The following PCDHB5 variants were observed in gnomAD, a reference collection of about 807,000 sequenced individuals.
PCDHB5 encodes protocadherin beta-5.
For missense variants in PCDHB5, 1,125 were observed against 1,029.4 expected, an observed-to-expected ratio of 1.09 and a Z score of -1.27; for synonymous variants, 569 against 462.2, an observed-to-expected ratio of 1.23 and a Z score of -2.96.
In PCDHB5 at chr5:141,136,202, C is replaced by T; in HGVS notation, c.768C>T (p.Pro256=). The T allele has an allele frequency of 6.2e-7, 1 of 1,614,062 alleles. No homozygotes were observed. Reference sequence around the variant, plus strand: ...AGGTACAGGTGCCCGAGAACAGCCCCCTTAACTCCTTAGTTGTCGTTGTCT... The same window carrying T: ...AGGTACAGGTGCCCGAGAACAGCCCTCTTAACTCCTTAGTTGTCGTTGTCT... ...FYEVQVPENS[P]LNSLVVVVSA... is the part of the protein sequence containing the mutation. Residue 256 remains proline (P), a synonymous_variant, in exon 1 of 1, where the codon CCC becomes CCT. Transcript: ENST00000231134.
rs782623340 is a variant in PCDHB5, at chr5:141,136,038, CG to C, written c.607del (p.Glu203ArgfsTer8). On this transcript the variant is annotated frameshift_variant, in exon 1 of 1. Coordinates refer to ENST00000231134, the MANE Select transcript of PCDHB5 (RefSeq NM_015669.5). LOFTEE classifies it low-confidence loss of function (END_TRUNC). ...GCTGGTGCTGGACAAAGCGCTGGAC[CG>C]GGAGGAGCGGCCTGAGCTCAGCTTA... ...PELVLDKALD[R>X]EERPELSLTL... 6.8e-6 allele frequency: 11 copies of C among 1,614,182 alleles called. No homozygotes were observed. The East Asian group carries it at 2.5e-4, about 36-fold the overall frequency.
At position 141,138,108 on chromosome 5, in the gene PCDHB5, C is replaced by A. The variant is rs79503440; in HGVS notation, c.*286C>A. The A allele has an allele frequency of 0.073, 23,736 of 327,062 alleles. 1,019 individuals are homozygous for A. The highest frequency in any genetic ancestry group is 0.1 in the Middle Eastern group (107 of 1,074). The allele number at this position is 327,062 out of a possible 1,614,324, so 20.3% of individuals were successfully genotyped here. A position where few individuals can be genotyped will look rare whatever the true frequency, so the allele number is the denominator to read the frequency against. ...TTGTGATAAACCACCTTAATAAAAT[C>A]AAGTATTAATTTTATTTTCTATATA... On this transcript the variant is annotated 3_prime_UTR_variant, in exon 1 of 1. Transcript: ENST00000231134.
Position 141,136,148 on chromosome 5 carries a change from C to A in PCDHB5, c.714C>A (p.Asn238Lys), listed in dbSNP as rs1320435155. 3 of 1,614,106 alleles carry A rather than the reference C, an allele frequency of 1.9e-6. No individual in the cohort carries two copies. The highest frequency in any genetic ancestry group is 1.7e-5 in the Admixed American group (1 of 60,030). Reference sequence around the variant, plus strand: ...TTGTCGTCTTGGATAATAATGACAACGCCCCCGAATTTTTACAATCATTCT... The same window carrying A: ...TTGTCGTCTTGGATAATAATGACAAAGCCCCCGAATTTTTACAATCATTCT... ...IRIVVLDNNDNAPEFLQSFYE... is the reference protein window; with the variant it reads ...IRIVVLDNNDKAPEFLQSFYE... Residue 238 changes from asparagine to lysine, a missense_variant, in exon 1 of 1, where the codon AAC (asparagine) becomes AAA (lysine). By Grantham distance (94) the Asn-to-Lys change is moderately conservative (BLOSUM62 0). Coordinates refer to ENST00000231134, the MANE Select transcript of PCDHB5 (RefSeq NM_015669.5).
At position 141,136,793 on chromosome 5, in the gene PCDHB5, C is replaced by G. The variant is rs200972030; in HGVS notation, c.1359C>G (p.Thr453=). The change falls in exon 1 of 1, where the codon ACC becomes ACG. Residue 453 remains threonine (T), a synonymous_variant. Coordinates refer to ENST00000231134, the MANE Select transcript of PCDHB5 (RefSeq NM_015669.5). ...VNDNAPAFTQ[T]SYTLFVRENN... ...ACAACGCCCCCGCCTTCACCCAAAC[C>G]TCCTACACCCTGTTCGTCCGAGAGA... 2.5e-6 allele frequency: 4 copies of G among 1,613,758 alleles called. No individual in the cohort carries two copies. The highest frequency in any genetic ancestry group is 3.4e-6 in the Non-Finnish European group (4 of 1,180,034).
In PCDHB5 at chr5:141,135,851, C is replaced by A; in HGVS notation, c.417C>A (p.Leu139=). The A allele has an allele frequency of 6.2e-7, 1 of 1,614,096 alleles. No individual in the cohort carries two copies. The highest frequency in any genetic ancestry group is 8.5e-7 in the Non-Finnish European group (1 of 1,179,994). The part of the protein sequence containing the change: ...HAPEFPEKEM[L]LKIPESTQPG... ...CAGAGTTCCCAGAGAAGGAAATGCT[C>A]CTAAAAATCCCAGAGAGCACCCAGC... The change falls in exon 1 of 1, where the codon CTC becomes CTA. Residue 139 remains leucine, a synonymous_variant. Transcript: ENST00000231134.
rs1752599893 is a variant in PCDHB5, at chr5:141,137,018, C to T, written c.1584C>T (p.Phe528=). 1.2e-6 allele frequency: 2 copies of T among 1,612,152 alleles called. No homozygotes were observed. Among genetic ancestry groups the T allele is most frequent in the Non-Finnish European group, 8.5e-7 (1 of 1,179,846 alleles). Residue 528 remains phenylalanine, a synonymous_variant, in exon 1 of 1, where the codon TTC becomes TTT. Transcript: ENST00000231134. ...ACGAGGCCCTGCAGGCGTTCGAGTT[C>T]CGCGTGGGAGCCACAGACCGCGGCT... ...LDYEALQAFE[F]RVGATDRGSP... is the part of the protein sequence containing the mutation.
chr5:141,137,298 G>C lies in PCDHB5; in HGVS notation c.1864G>C (p.Glu622Gln), dbSNP rs1487998791. The change falls in exon 1 of 1, where the codon GAG becomes CAG. Residue 622 changes from glutamate to glutamine, a missense_variant. Transcript: ENST00000231134. ...GLFSMWAHNG[E>Q]VRTARLLSER... ...GTTCAGCATGTGGGCGCACAATGGCGAGGTGCGCACCGCCAGGCTGCTGAG... is the reference window on the plus strand; with the variant it reads ...GTTCAGCATGTGGGCGCACAATGGCCAGGTGCGCACCGCCAGGCTGCTGAG... 1.4e-5 allele frequency: 22 copies of C among 1,610,246 alleles called. No individual in the cohort carries two copies. The highest frequency in any genetic ancestry group is 1.7e-5 in the Non-Finnish European group (20 of 1,179,650).
rs781818754 is a variant in PCDHB5 at position 141,137,589 on chromosome 5, G to A, written c.2155G>A (p.Ala719Thr). The A allele has an allele frequency of 7.4e-6, 12 of 1,612,926 alleles. No homozygotes were observed. The highest frequency in any genetic ancestry group is 1.0e-5 in the Non-Finnish European group (12 of 1,180,010). Residue 719 changes from alanine (A) to threonine (T), a missense_variant, in exon 1 of 1, where the codon GCC (alanine) becomes ACC (threonine). Transcript: ENST00000231134. Reference sequence around the variant, plus strand: ...GCGGCTGTGCAGGAGGAGCAGGGCGGCCCCGGTCGGTCGCTGCTCGGTGCC... The same window carrying A: ...GCGGCTGTGCAGGAGGAGCAGGGCGACCCCGGTCGGTCGCTGCTCGGTGCC... ...AVRLCRRSRA[A>T]PVGRCSVPEG...
chr5:141,137,412 C>G lies in PCDHB5; in HGVS notation c.1978C>G (p.Leu660Val). The change falls in exon 1 of 1, where the codon CTC (leucine) becomes GTC (valine). Residue 660 changes from leucine (L) to valine (V), a missense_variant. By Grantham distance (32) the Leu-to-Val change is conservative. Transcript: ENST00000231134. ...CTCGGCCACCGCCACGCTGCACGTGCTCCTGGTGGACGGCTTCTCCCAGCC... is the reference window on the plus strand; with the variant it reads ...CTCGGCCACCGCCACGCTGCACGTGGTCCTGGTGGACGGCTTCTCCCAGCC... ...PRSATATLHV[L>V]LVDGFSQPYL... The G allele has an allele frequency of 6.2e-7, 1 of 1,611,052 alleles. No homozygotes were observed.
Position 141,136,542 on chromosome 5 carries a change from T to G in PCDHB5, c.1108T>G (p.Ser370Ala). The change falls in exon 1 of 1, where the codon TCT (serine) becomes GCT (alanine). Residue 370 changes from serine to alanine, a missense_variant. By Grantham distance (99) the Ser-to-Ala change is moderately conservative. Transcript: ENST00000231134. ...PETVVAVFSVSDPDSGDNGRM... is the reference protein window; with the variant it reads ...PETVVAVFSVADPDSGDNGRM... ...AACTGTAGTTGCCGTTTTCAGTGTT[T>G]CTGATCCAGACTCCGGGGACAACGG... 1 of 1,614,116 alleles carries G rather than the reference T, an allele frequency of 6.2e-7. No homozygotes were observed. Among genetic ancestry groups the G allele is most frequent in the Non-Finnish European group, 8.5e-7 (1 of 1,180,022 alleles).
In PCDHB5 at chr5:141,137,530, T is replaced by C; in HGVS notation, c.2096T>C (p.Leu699Pro). The C allele has an allele frequency of 1.2e-6, 2 of 1,612,456 alleles. No individual in the cohort carries two copies. The highest frequency in any genetic ancestry group is 1.7e-6 in the Non-Finnish European group (2 of 1,179,640). The change falls in exon 1 of 1, where the codon CTC becomes CCC. Residue 699 changes from leucine (L) to proline (P), a missense_variant. Transcript: ENST00000231134. ...GTGGCATTGGCCTCGGTGTCGTCGCTCTTCCTCTTTTCGGTGCTCCTGTTC... is the reference window on the plus strand; with the variant it reads ...GTGGCATTGGCCTCGGTGTCGTCGCCCTTCCTCTTTTCGGTGCTCCTGTTC... ...LVVALASVSS[L>P]FLFSVLLFVA...
Position 141,136,185 on chromosome 5 carries a change from G to T in PCDHB5, c.751G>T (p.Val251Leu). The T allele has an allele frequency of 6.2e-7, 1 of 1,614,082 alleles. No individual in the cohort carries two copies. Among genetic ancestry groups the T allele is most frequent in the African/African-American group, 1.3e-5 (1 of 75,016 alleles). The change falls in exon 1 of 1, where the codon GTG (valine) becomes TTG (leucine). Residue 251 changes from valine (V) to leucine (L), a missense_variant. By Grantham distance (32) the Val-to-Leu change is conservative. Coordinates refer to ENST00000231134, the MANE Select transcript of PCDHB5 (RefSeq NM_015669.5). ...EFLQSFYEVQ[V>L]PENSPLNSLV... Reference sequence around the variant, plus strand: ...TTTACAATCATTCTATGAGGTACAGGTGCCCGAGAACAGCCCCCTTAACTC... The same window carrying T: ...TTTACAATCATTCTATGAGGTACAGTTGCCCGAGAACAGCCCCCTTAACTC...
Position 141,137,651 on chromosome 5 carries a change from C to T in PCDHB5, c.2217C>T (p.Ser739=), listed in dbSNP as rs150150212. 8.7e-6 allele frequency: 14 copies of T among 1,613,976 alleles called. No homozygotes were observed. The highest frequency in any genetic ancestry group is 1.3e-5 in the African/African-American group (1 of 74,940). ...TTCCAGGGCATCTGGTGGACGTGAGCGGCACCGGGACCCTATCCCAGAGCT... is the reference window on the plus strand; with the variant it reads ...TTCCAGGGCATCTGGTGGACGTGAGTGGCACCGGGACCCTATCCCAGAGCT... ...GPFPGHLVDV[S]GTGTLSQSYH... The change falls in exon 1 of 1, where the codon AGC becomes AGT. Residue 739 remains serine (S), a synonymous_variant. Coordinates refer to ENST00000231134, the MANE Select transcript of PCDHB5 (RefSeq NM_015669.5).
In PCDHB5 at chr5:141,136,163, A is replaced by G. The variant is rs1752567784; in HGVS notation, c.729A>G (p.Leu243=). The part of the protein sequence containing the change: ...LDNNDNAPEF[L]QSFYEVQVPE... ...ATAATGACAACGCCCCCGAATTTTT[A>G]CAATCATTCTATGAGGTACAGGTGC... The change falls in exon 1 of 1, where the codon TTA becomes TTG. Residue 243 remains leucine, a synonymous_variant. Transcript: ENST00000231134. 6.2e-7 allele frequency: 1 copy of G among 1,613,894 alleles called. No individual in the cohort carries two copies. The highest frequency in any genetic ancestry group is 8.5e-7 in the Non-Finnish European group (1 of 1,179,912).
In PCDHB5 at chr5:141,137,419, T is replaced by C. The variant is rs782793971; in HGVS notation, c.1985T>C (p.Val662Ala). 1.2e-6 allele frequency: 2 copies of C among 1,611,380 alleles called. No individual in the cohort carries two copies. The highest frequency in any genetic ancestry group is 4.5e-5 in the East Asian group (2 of 44,854). Residue 662 changes from valine (V) to alanine (A), a missense_variant, in exon 1 of 1, where the codon GTG becomes GCG. By Grantham distance (64) the Val-to-Ala change is moderately conservative. Transcript: ENST00000231134. ...ACCGCCACGCTGCACGTGCTCCTGG[T>C]GGACGGCTTCTCCCAGCCCTACCTG... ...SATATLHVLL[V>A]DGFSQPYLPL...
Position 141,137,217 on chromosome 5 carries a change from T to G in PCDHB5, c.1783T>G (p.Ser595Ala). Reference sequence around the variant, plus strand: ...CAAGGTGGTGGCGGTGGACGGTGACTCGGGCCAGAACGCCTGGCTGTCGTA... The same window carrying G: ...CAAGGTGGTGGCGGTGGACGGTGACGCGGGCCAGAACGCCTGGCTGTCGTA... ...VTKVVAVDGD[S>A]GQNAWLSYQL... The change falls in exon 1 of 1, where the codon TCG becomes GCG. Residue 595 changes from serine (S) to alanine (A), a missense_variant. By Grantham distance (99) the Ser-to-Ala change is moderately conservative. Coordinates refer to ENST00000231134, the MANE Select transcript of PCDHB5 (RefSeq NM_015669.5). 10 of 1,610,906 alleles carry G rather than the reference T, an allele frequency of 6.2e-6. No homozygotes were observed. Among genetic ancestry groups the G allele is most frequent in the South Asian group, 1.1e-5 (1 of 90,960 alleles).
At position 141,136,065 on chromosome 5, in the gene PCDHB5, A is replaced by G. The variant is rs905706214; in HGVS notation, c.631A>G (p.Thr211Ala). The change falls in exon 1 of 1, where the codon ACA (threonine) becomes GCA (alanine). Residue 211 changes from threonine to alanine, a missense_variant. Physicochemically the swap from Thr to Ala is moderately conservative, Grantham distance 58. Transcript: ENST00000231134. ...GGAGGAGCGGCCTGAGCTCAGCTTA[A>G]CACTCACTGCACTGGACGGTGGGGC... ...DREERPELSLTLTALDGGAPP... is the reference protein window; with the variant it reads ...DREERPELSLALTALDGGAPP... 6.2e-7 allele frequency: 1 copy of G among 1,614,106 alleles called. No homozygotes were observed. Among genetic ancestry groups the G allele is most frequent in the Non-Finnish European group, 8.5e-7 (1 of 1,180,012 alleles).
Position 141,135,919 on chromosome 5 carries a change from T to C in PCDHB5, c.485T>C (p.Ile162Thr). Residue 162 changes from isoleucine to threonine, a missense_variant, in exon 1 of 1, where the codon ATA becomes ACA. Physicochemically the swap from Ile to Thr is moderately conservative, Grantham distance 89. Transcript: ENST00000231134. ...FPLKIAQDFD[I>T]GSNTVQNYTI... is the part of the protein sequence containing the mutation. ...TTAAAAATAGCCCAGGACTTTGACA[T>C]AGGTAGCAACACTGTTCAGAACTAC... 6.2e-7 allele frequency: 1 copy of C among 1,614,144 alleles called. No homozygotes were observed. Among genetic ancestry groups the C allele is most frequent in the Non-Finnish European group, 8.5e-7 (1 of 1,179,992 alleles).
At position 141,136,995 on chromosome 5, in the gene PCDHB5, G is replaced by A. The variant is rs1307227233; in HGVS notation, c.1561G>A (p.Glu521Lys). The change falls in exon 1 of 1, where the codon GAG (glutamate) becomes AAG (lysine). Residue 521 changes from glutamate to lysine, a missense_variant. Glu to Lys is a moderately conservative substitution (Grantham distance 56). Coordinates refer to ENST00000231134, the MANE Select transcript of PCDHB5 (RefSeq NM_015669.5). Reference protein sequence around the residue: ...HLFALRSLDYEALQAFEFRVG... With the variant: ...HLFALRSLDYKALQAFEFRVG... ...GTTTGCCCTCAGGTCGCTGGACTAC[G>A]AGGCCCTGCAGGCGTTCGAGTTCCG... 6.2e-7 allele frequency: 1 copy of A among 1,612,332 alleles called. No homozygotes were observed. Among genetic ancestry groups the A allele is most frequent in the South Asian group, 1.1e-5 (1 of 90,990 alleles).
Sources: allele counts gnomAD v4.1 joint callset, GRCh38; gene constraint gnomAD v4.1.1; transcripts MANE v1.5; gene names NCBI Gene and HGNC (gene_info 2026-07-23, HGNC 2026-07-21).